The following LRRC39 variants were observed in gnomAD, a reference collection of about 807,000 sequenced individuals.
LRRC39 encodes the protein leucine rich repeat containing 39.
A neutral mutation model predicts 39.7 loss-of-function variants in LRRC39; 35 were observed. The observed-to-expected ratio is 0.88, with a 90% CI of 0.67 to 1.17. The LOEUF is 1.17. LRRC39 is among the 50% of genes most tolerant of loss of function. The probability of loss-of-function intolerance (pLI) is 0.00; values close to 1 mark genes in which losing one functional copy is unlikely to be tolerated. For synonymous variants in LRRC39, 113 were observed against 134.1 expected (o/e 0.84, Z 1.09); for missense variants, 357 against 385.8 (o/e 0.93, Z 0.62).
chr1:100,179,181 T>C (rs898493817), upstream of LRRC39, among the ~76,000 whole-genome samples: 1 of 152,140 alleles, frequency 6.6e-6, no homozygotes, highest in African/African-American at 2.4e-5. Context: ...CTCAGCAATA[T>C]TAATGCTTTA....
intron 1 of LRRC39, among the ~76,000 whole-genome samples, chr1:100,177,493 A>C (rs1403194161): frequency 1.3e-5 from 2 of 152,254 alleles, no homozygotes; most frequent in African/African-American, 4.8e-5. Flanking sequence ...GAATTTACTC[A>C]GGAACAGAAT....
chr1:100,173,772 A>G (rs565777853), intron 1 of LRRC39, among the ~76,000 whole-genome samples: 6 of 152,356 alleles, frequency 3.9e-5, no homozygotes, highest in South Asian at 2.1e-4. Context: ...TGACAAGTCA[A>G]TATTTTGAAA....
At chr1:100,154,375 A>G (rs967781299) in intron 8 of LRRC39, among the ~76,000 whole-genome samples, 1 of 152,198 alleles carries the variant, frequency 6.6e-6, no homozygotes, top group African/African-American at 2.4e-5. Context: ...AGATAGAAAA[A>G]TACACTATAA....
chr1:100,152,605 A>G lies in LRRC39; in HGVS notation c.813-81T>C, dbSNP rs1429449682. ...TTTCCCTGGAGAAAGGTCAAATGAT[A>G]ATATACTAAATTACTCGTTTTTAAC... On this transcript the variant is annotated intron_variant, in intron 8 of 9. Coordinates refer to ENST00000370137, the MANE Select transcript of LRRC39 (RefSeq NM_144620.4). 6 of 1,415,658 alleles carry G rather than the reference A, an allele frequency of 4.2e-6. No individual in the cohort carries two copies. In the Admixed American group the frequency reaches 1.3e-4, roughly 30 times the overall value. The allele number at this position is 1,415,658 out of a possible 1,614,324, so 87.7% of individuals were successfully genotyped here.
chr1:100,172,854 G>A (rs1659722802), intron 2 of LRRC39, among the ~76,000 whole-genome samples: 1 of 151,924 alleles, frequency 6.6e-6, no homozygotes, highest in Non-Finnish European at 1.5e-5. Context: ...CAGCTACTTG[G>A]GAGGCTGAGG....
At chr1:100,169,407 A>G (rs896735791) in intron 2 of LRRC39, among the ~76,000 whole-genome samples, 1 of 152,080 alleles carries the variant, frequency 6.6e-6, no homozygotes, top group African/African-American at 2.4e-5. Context: ...TCCTTCATCA[A>G]TGGTGGTATT....
intron 3 of LRRC39, among the ~76,000 whole-genome samples, chr1:100,161,423 T>C (rs1450825082): frequency 6.6e-6 from 1 of 152,232 alleles, no homozygotes. Context: ...TAGCATGTAT[T>C]AGTACTTCAT....
At chr1:100,156,373 A>G in intron 6 of LRRC39, 56 bp from the exon 7 acceptor site, 1 of 1,498,442 alleles carries the variant, frequency 6.7e-7, no homozygotes, top group Non-Finnish European at 9.1e-7. Context: ...AACTACTAAA[A>G]GACTCACATT....
chr1:100,164,064 C>T (rs1659065951), intron 3 of LRRC39, among the ~76,000 whole-genome samples: 1 of 152,032 alleles, frequency 6.6e-6, no homozygotes, highest in African/African-American at 2.4e-5. Context: ...CAGAGTGAGA[C>T]TCTGTCTCTA....
At chr1:100,170,002 G>A (rs915721517) in intron 2 of LRRC39, among the ~76,000 whole-genome samples, 1 of 152,130 alleles carries the variant, frequency 6.6e-6, no homozygotes, top group Non-Finnish European at 1.5e-5. Flanking sequence ...TGATGATTAA[G>A]TGTTCCAAGT....
Position 100,160,465 on chromosome 1 carries a change from C to T in LRRC39, c.219+1G>A. On this transcript the variant is annotated splice_donor_variant, in intron 4 of 9. Coordinates refer to ENST00000370137, the MANE Select transcript of LRRC39 (RefSeq NM_144620.4). LOFTEE classifies it high-confidence loss of function. ...AAATCAAATATTCTATAAAAGCTTA[C>T]CTTCCATTCCTCTTTTTCTATCTTC... is the stretch of plus-strand genomic sequence containing the variant. 1 of 1,608,972 alleles carries T rather than the reference C, an allele frequency of 6.2e-7. No homozygotes were observed. Among genetic ancestry groups the T allele is most frequent in the South Asian group, 1.1e-5 (1 of 90,646 alleles).
intron 3 of LRRC39, among the ~76,000 whole-genome samples, chr1:100,162,318 C>T (rs1658943578): frequency 6.6e-6 from 1 of 151,964 alleles, no homozygotes. Flanking sequence ...TGATCTATTG[C>T]AAACATAAGA....
At chr1:100,158,461 G>C in intron 5 of LRRC39, 94 bp from the exon 6 acceptor site, 1 of 1,150,380 alleles carries the variant, frequency 8.7e-7, no homozygotes, top group Non-Finnish European at 1.2e-6. Flanking sequence ...TTTTTGAGAC[G>C]GAGTCTTGCT....
chr1:100,179,572 A>T (rs1478873075), upstream of LRRC39, among the ~76,000 whole-genome samples: 1 of 151,076 alleles, frequency 6.6e-6, no homozygotes. Flanking sequence ...ATAAAAATAA[A>T]TAAAATAAAA....
intron 9 of LRRC39, chr1:100,149,479 G>T: frequency 6.7e-7 from 1 of 1,500,680 alleles, no homozygotes; most frequent in Admixed American, 2.2e-5. Context: ...TTATTTTGTT[G>T]GATAATTGTC....
intron 7 of LRRC39, among the ~76,000 whole-genome samples, chr1:100,155,649 T>C (rs1658400183): frequency 6.6e-6 from 1 of 152,200 alleles, no homozygotes. Flanking sequence ...AGACAGAGTC[T>C]TAAGAGAACA....
chr1:100,166,651 T>G (rs1428277504), intron 3 of LRRC39, among the ~76,000 whole-genome samples: 1 of 152,180 alleles, frequency 6.6e-6, no homozygotes, highest in African/African-American at 2.4e-5. Context: ...TTGGGTGCTG[T>G]TAAAAGCACT....
At chr1:100,168,940 A>T (rs952897896) in intron 2 of LRRC39, among the ~76,000 whole-genome samples, 2 of 152,084 alleles carry the variant, frequency 1.3e-5, no homozygotes, top group African/African-American at 4.8e-5. Flanking sequence ...GGAGATTTTT[A>T]AAAAGACTGG....
At position 100,177,505 on chromosome 1, in the gene LRRC39, C is replaced by A. The variant is rs189851391; in HGVS notation, c.-119+630G>T. On this transcript the variant is annotated intron_variant, in intron 1 of 9. Transcript: ENST00000370137. ...GCCGAATTTACTCAGGAACAGAATG[C>A]GAGATCTCTTTGCTGTGAAGAAACC... 7.2e-5 allele frequency among the ~76,000 whole-genome samples: 11 copies of A among 152,260 alleles called. No individual in the cohort carries two copies. The East Asian group carries it at 2.1e-3, about 29-fold the overall frequency.
Sources: allele counts gnomAD v4.1 joint callset (sites outside exome capture counted in the v4.1 genomes callset), GRCh38; gene constraint gnomAD v4.1.1; transcripts MANE v1.5; gene names NCBI Gene and HGNC (gene_info 2026-07-23, HGNC 2026-07-21).